The following C5orf34 variants were observed in gnomAD, a reference collection of about 807,000 sequenced individuals.
C5orf34 encodes uncharacterized protein C5orf34.
Under a neutral mutation model 78.4 loss-of-function variants are expected in C5orf34, and 73 were observed. The observed-to-expected ratio is 0.93, with a 90% CI of 0.77 to 1.13. The LOEUF is 1.13. C5orf34 is among the 50% of genes most tolerant of loss of function. C5orf34 has a pLI of 0.00. For synonymous variants in C5orf34, 251 were observed against 246.6 expected (o/e 1.02, Z -0.17); for missense variants, 730 against 732.7 (o/e 1.00, Z 0.04).
chr5:43,513,387 T>C (rs924547423), intron 1 of C5orf34, among the ~76,000 whole-genome samples: 1 of 152,188 alleles, frequency 6.6e-6, no homozygotes, highest in Non-Finnish European at 1.5e-5. Context: ...GCTTCTGTAA[T>C]ACCCCCTAAT....
chr5:43,510,436 C>A (rs920280419), intron 1 of C5orf34, among the ~76,000 whole-genome samples: 1 of 152,122 alleles, frequency 6.6e-6, no homozygotes, highest in Non-Finnish European at 1.5e-5. Flanking sequence ...CCTCCCTCTC[C>A]CTCTCCCCAC....
intron 11 of C5orf34, among the ~76,000 whole-genome samples, chr5:43,489,891 A>G (rs2112264884): frequency 6.6e-6 from 1 of 152,224 alleles, no homozygotes; most frequent in Non-Finnish European, 1.5e-5. Context: ...AGTGACACTA[A>G]TCTTCTAATG....
At chr5:43,506,773 A>T (rs747676772) in intron 3 of C5orf34, among the ~76,000 whole-genome samples, 3 of 152,132 alleles carry the variant, frequency 2.0e-5, no homozygotes, top group Admixed American at 2.0e-4. Flanking sequence ...ACTATGATAC[A>T]TTATATTAAA....
intron 4 of C5orf34, among the ~76,000 whole-genome samples, chr5:43,504,877 CA>C (rs2112316152): frequency 6.6e-6 from 1 of 152,318 alleles, no homozygotes; most frequent in African/African-American, 2.4e-5. Context: ...ATAATCATGA[CA>C]AGCCTAACAG....
At chr5:43,499,605 C>T (rs548679449) in intron 6 of C5orf34, among the ~76,000 whole-genome samples, 1 of 152,278 alleles carries the variant, frequency 6.6e-6, no homozygotes, top group East Asian at 1.9e-4. Context: ...ATAGCTACTT[C>T]AGTGTGTATT....
rs748444934 is a variant in C5orf34 at position 43,493,559 on chromosome 5, A to G, written c.1298T>C (p.Ile433Thr). 7.6e-6 allele frequency: 12 copies of G among 1,570,284 alleles called. No individual in the cohort carries two copies. The highest frequency in any genetic ancestry group is 1.0e-5 in the Non-Finnish European group (12 of 1,150,360). The change falls in exon 8 of 13, where the codon ATA becomes ACA. Residue 433 changes from isoleucine to threonine, a missense_variant. Transcript: ENST00000306862. ...MRLSLSHNYR[I>T]CCWKMVPGIN... ...TTAACATACCATTTTCCAGCAGCATATACGATAGTTATGGCTTAAAGAAAG... is the reference window on the plus strand; with the variant it reads ...TTAACATACCATTTTCCAGCAGCATGTACGATAGTTATGGCTTAAAGAAAG...
chr5:43,503,159 G>A (rs973356738), intron 5 of C5orf34, among the ~76,000 whole-genome samples: 1 of 152,214 alleles, frequency 6.6e-6, no homozygotes, highest in Admixed American at 6.5e-5. Flanking sequence ...GCTAACACTA[G>A]TATTCTAGTC....
chr5:43,493,438 GA>G, intron 8 of C5orf34, 104 bp downstream of exon 8: 1 of 686,906 alleles, frequency 1.5e-6, no homozygotes, highest in Non-Finnish European at 2.5e-6. Context: ...AATGTTACAA[GA>G]ATTTCTCACA....
intron 1 of C5orf34, among the ~76,000 whole-genome samples, chr5:43,511,796 A>C (rs952609476): frequency 6.6e-6 from 1 of 152,168 alleles, no homozygotes; most frequent in Non-Finnish European, 1.5e-5. Flanking sequence ...AGGGCAGTGC[A>C]AGATGTGCTT....
chr5:43,497,419 T>A (rs985534600), intron 6 of C5orf34, among the ~76,000 whole-genome samples: 5 of 152,152 alleles, frequency 3.3e-5, no homozygotes, highest in African/African-American at 1.2e-4. Context: ...GTTCTTCAGA[T>A]GAGAAAACTG....
chr5:43,490,524 C>T, intron 11 of C5orf34, 107 bp downstream of exon 11: 1 of 688,298 alleles, frequency 1.5e-6, no homozygotes. Context: ...ATATTCAAAA[C>T]TAAGAAAGTT....
chr5:43,492,311 T>A lies in C5orf34; in HGVS notation c.1486-2A>T. On this transcript the variant is annotated splice_acceptor_variant, in intron 9 of 12. Transcript: ENST00000306862. LOFTEE classifies it high-confidence loss of function. ...ACCTAAGTTAAGACCTTGATTTACC[T>A]GAAGAAGTAGAAAGATAAGTTTTAT... is the stretch of plus-strand genomic sequence containing the variant. 6.3e-7 allele frequency: 1 copy of A among 1,575,282 alleles called. No homozygotes were observed. Among genetic ancestry groups the A allele is most frequent in the Admixed American group, 1.7e-5 (1 of 57,628 alleles).
At chr5:43,495,227 A>G in intron 6 of C5orf34, 1 of 1,609,482 alleles carries the variant, frequency 6.2e-7, no homozygotes, top group Non-Finnish European at 8.5e-7. Context: ...GAAGCTCTCA[A>G]CAATGGGCTT....
rs1345848962 is a variant in C5orf34 at position 43,508,651 on chromosome 5, C to T, written c.211G>A (p.Ala71Thr). The T allele has an allele frequency of 1.2e-6, 2 of 1,601,866 alleles. No homozygotes were observed. Among genetic ancestry groups the T allele is most frequent in the Non-Finnish European group, 1.7e-6 (2 of 1,169,276 alleles). ...GCTGAAGAGTTTCGAAAATCTAGGG[C>T]TCGCTGTAGTTGCTCCTATGAAAAG... Reference protein sequence around the residue: ...ISTYREQLQRALDFRNSSATC... With the variant: ...ISTYREQLQRTLDFRNSSATC... The change falls in exon 3 of 13, where the codon GCC (alanine) becomes ACC (threonine). Residue 71 changes from alanine (A) to threonine (T), a missense_variant. Physicochemically the swap from Ala to Thr is moderately conservative, Grantham distance 58. Transcript: ENST00000306862.
intron 6 of C5orf34, among the ~76,000 whole-genome samples, chr5:43,497,363 A>G (rs1357530676): frequency 6.6e-6 from 1 of 152,242 alleles, no homozygotes; most frequent in Non-Finnish European, 1.5e-5. Context: ...TACATGGATT[A>G]TCTCATTTAT....
intron 6 of C5orf34, chr5:43,496,133 G>A (rs1322080415): frequency 3.0e-5 from 40 of 1,339,066 alleles, no homozygotes; most frequent in African/African-American, 2.1e-4. Context: ...AGCACAGCCT[G>A]AGATGTCCCT....
At chr5:43,514,290 C>T (rs902996324) in intron 1 of C5orf34, 6 of 152,188 alleles carry the variant, frequency 3.9e-5, no homozygotes, top group African/African-American at 1.4e-4. Flanking sequence ...CAAGTCACAC[C>T]ATACCAAGTG....
At position 43,487,046 on chromosome 5, in the gene C5orf34, C is replaced by A; in HGVS notation, c.1786G>T (p.Asp596Tyr). Reference sequence around the variant, plus strand: ...TCTGAAGATCCTGGTTTATAATGATCAAAAGACTGTTGTTCATTTTTCTTG... The same window carrying A: ...TCTGAAGATCCTGGTTTATAATGATAAAAAGACTGTTGTTCATTTTTCTTG... ...SNKKNEQQSFDHYKPGSSETL... is the reference protein window; with the variant it reads ...SNKKNEQQSFYHYKPGSSETL... Residue 596 changes from aspartate (D) to tyrosine (Y), a missense_variant, in exon 13 of 13, where the codon GAT becomes TAT. By Grantham distance (160) the Asp-to-Tyr change is radical. Coordinates refer to ENST00000306862, the MANE Select transcript of C5orf34 (RefSeq NM_198566.4). The A allele has an allele frequency of 6.3e-7, 1 of 1,581,198 alleles. No individual in the cohort carries two copies.
At chr5:43,504,958 T>C (rs1156264094) in intron 4 of C5orf34, among the ~76,000 whole-genome samples, 3 of 152,232 alleles carry the variant, frequency 2.0e-5, no homozygotes, top group Non-Finnish European at 4.4e-5. Context: ...ATCTCAATTT[T>C]ACAAGTACTA....
Sources: gnomAD v4.1 joint callset for allele counts (sites outside exome capture counted in the v4.1 genomes callset) on GRCh38, gnomAD v4.1.1 for gene constraint, MANE v1.5 for transcripts, NCBI Gene and HGNC (gene_info 2026-07-23, HGNC 2026-07-21) for gene names.